The following EZH2 variants were observed in gnomAD, a reference collection of about 807,000 sequenced individuals.
EZH2 encodes the protein histone-lysine N-methyltransferase EZH2.
A neutral mutation model predicts 98.4 loss-of-function variants in EZH2; 18 were observed. The ratio of observed to expected loss-of-function variants is 0.18; its 90% CI spans 0.13 to 0.27. The LOEUF (loss-of-function observed/expected upper bound fraction) is 0.27. EZH2 is among the 10% of genes least tolerant of loss of function. EZH2 has a pLI of 1.00. For synonymous variants in EZH2, 338 were observed against 312.3 expected (o/e 1.08, Z -0.87); for missense variants, 470 against 935.1 (o/e 0.50, Z 6.49).
intron 15 of EZH2, among the ~76,000 whole-genome samples, chr7:148,812,700 G>A (rs1451222795): frequency 6.6e-6 from 1 of 152,156 alleles, no homozygotes; most frequent in Non-Finnish European, 1.5e-5. Context: ...ATGGTAAGTT[G>A]TTTGGGGGGG....
intron 3 of EZH2, among the ~76,000 whole-genome samples, chr7:148,839,574 T>C (rs1811898669): frequency 6.6e-6 from 1 of 152,000 alleles, no homozygotes; most frequent in African/African-American, 2.4e-5. Flanking sequence ...AACTATTTTT[T>C]TTTGTTTTTT....
At chr7:148,873,556 C>CTTTT (rs1819751149) in intron 1 of EZH2, among the ~76,000 whole-genome samples, 1 of 103,626 alleles carries the variant, frequency 9.7e-6, no homozygotes, top group Non-Finnish European at 1.9e-5. Flanking sequence ...TCATGCTCTT[C>CTTTT]ATTTTTTTTT....
intron 6 of EZH2, among the ~76,000 whole-genome samples, chr7:148,828,288 C>A (rs749064688): frequency 1.3e-5 from 2 of 152,018 alleles, no homozygotes; most frequent in African/African-American, 2.4e-5. Context: ...TCTTTGCTAG[C>A]CAAAGGAAAC....
intron 8 of EZH2, among the ~76,000 whole-genome samples, chr7:148,822,374 G>A (rs1806389649): frequency 6.6e-6 from 1 of 151,810 alleles, no homozygotes; most frequent in African/African-American, 2.4e-5. Context: ...GCTGGATGTG[G>A]TAGCACATGC....
chr7:148,846,041 G>A lies in EZH2; in HGVS notation c.246+429C>T, dbSNP rs184616493. 3.5e-3 allele frequency among the ~76,000 whole-genome samples: 531 copies of A among 152,270 alleles called. 4 individuals are homozygous for A. Among genetic ancestry groups the A allele is most frequent in the Non-Finnish European group, 5.3e-3 (359 of 68,012 alleles). On this transcript the variant is annotated intron_variant, in intron 3 of 19. Coordinates refer to ENST00000320356, the MANE Select transcript of EZH2 (RefSeq NM_004456.5). ...CAAGAAATTTAAAAATTCTTATAGA[G>A]AGGCTTAGCCTTTGAACAAAATATA... is the stretch of plus-strand genomic sequence containing the variant.
Position 148,843,583 on chromosome 7 carries a change from G to GTTTTT in EZH2, c.246+2882_246+2886dup, listed in dbSNP as rs1157236882. Among the ~76,000 whole-genome samples, 46 of 64,340 alleles carry GTTTTT rather than the reference G, an allele frequency of 7.1e-4. 4 individuals are homozygous for GTTTTT. The highest frequency in any genetic ancestry group is 2.7e-3 in the African/African-American group (38 of 14,192). 42.2% of individuals were successfully genotyped at this position (64,340 alleles called of 152,430 possible). A position where few individuals can be genotyped will look rare whatever the true frequency, so the allele number is the denominator to read the frequency against. ...TCTACAACTACAAATGGGAGTATAA[G>GTTTTT]TTTTTTTTTTTTTTTTTTTTTTTTT... On this transcript the variant is annotated intron_variant, in intron 3 of 19. Transcript: ENST00000320356.
At chr7:148,873,467 G>C (rs1412492122) in intron 1 of EZH2, among the ~76,000 whole-genome samples, 2 of 138,366 alleles carry the variant, frequency 1.4e-5, no homozygotes, top group African/African-American at 5.5e-5. Flanking sequence ...ACGCCAGCCT[G>C]GGTGACAGAG....
At chr7:148,865,550 C>T (rs1818318331) in intron 1 of EZH2, among the ~76,000 whole-genome samples, 1 of 152,104 alleles carries the variant, frequency 6.6e-6, no homozygotes, top group African/African-American at 2.4e-5. Flanking sequence ...ACAGGATTGC[C>T]CTTAAGTACA....
chr7:148,846,907 CTT>C (rs1222774492), intron 2 of EZH2, among the ~76,000 whole-genome samples: 13 of 144,954 alleles, frequency 9.0e-5, no homozygotes, highest in Non-Finnish European at 1.8e-4. Context: ...ATCACAATGA[CTT>C]TAGAAACATA....
chr7:148,816,813 A>T, intron 11 of EZH2, 35 bp from the exon 12 acceptor site: 1 of 1,507,626 alleles, frequency 6.6e-7, no homozygotes, highest in East Asian at 2.3e-5. Context: ...CCATGAGGAC[A>T]GTCTTATTTA....
In EZH2 at chr7:148,828,843, C is replaced by T; in HGVS notation, c.522G>A (p.Leu174=). The T allele has an allele frequency of 6.2e-7, 1 of 1,613,272 alleles. No homozygotes were observed. Among genetic ancestry groups the T allele is most frequent in the Non-Finnish European group, 8.5e-7 (1 of 1,179,750 alleles). ...GFINDEIFVE[L]VNALGQYNDD... is the part of the protein sequence containing the mutation. ...CATTATATTGACCAAGGGCATTCAC[C>T]AACTCCACAAAAATTTCATCATTTA... Residue 174 remains leucine (L), a synonymous_variant, in exon 6 of 20, where the codon TTG becomes TTA. Coordinates refer to ENST00000320356, the MANE Select transcript of EZH2 (RefSeq NM_004456.5).
intron 1 of EZH2, among the ~76,000 whole-genome samples, chr7:148,874,280 C>G (rs554196059): frequency 2.0e-5 from 3 of 152,228 alleles, no homozygotes; most frequent in African/African-American, 7.2e-5. Context: ...CCCAGCTACT[C>G]AGGAGACTGA....
intron 1 of EZH2, among the ~76,000 whole-genome samples, chr7:148,869,237 T>C (rs1196835942): frequency 6.6e-6 from 1 of 151,820 alleles, no homozygotes; most frequent in Non-Finnish European, 1.5e-5. Flanking sequence ...CCTGTGATGG[T>C]AATCAAACTC....
At chr7:148,823,648 C>G (rs535878313) in intron 8 of EZH2, among the ~76,000 whole-genome samples, 9 of 150,040 alleles carry the variant, frequency 6.0e-5, no homozygotes, top group Non-Finnish European at 1.2e-4. Context: ...TACACATTTT[C>G]ATACTTTTTT....
chr7:148,844,071 TA>T (rs146252736), intron 3 of EZH2, among the ~76,000 whole-genome samples: 3,641 of 152,294 alleles, frequency 0.024, 137 homozygotes, highest in African/African-American at 0.084. Context: ...CTATAGACTT[TA>T]CGTGTTTGAA....
Position 148,807,534 on chromosome 7 carries a change from T to G in EZH2, c.*112A>C. Reference sequence around the variant, plus strand: ...TACTATAAATTATTCTTACAGTACTTTGCAAATTCAGAATTTCAAACTGCA... The same window carrying G: ...TACTATAAATTATTCTTACAGTACTGTGCAAATTCAGAATTTCAAACTGCA... On this transcript the variant is annotated 3_prime_UTR_variant, in exon 20 of 20. Transcript: ENST00000320356. 2.3e-6 allele frequency: 2 copies of G among 872,704 alleles called. No homozygotes were observed. Among genetic ancestry groups the G allele is most frequent in the Non-Finnish European group, 3.7e-6 (2 of 537,730 alleles). 54.1% of individuals were successfully genotyped at this position (872,704 alleles called of 1,614,324 possible).
intron 1 of EZH2, among the ~76,000 whole-genome samples, chr7:148,853,338 G>A (rs1816196358): frequency 6.6e-6 from 1 of 152,180 alleles, no homozygotes; most frequent in Admixed American, 6.5e-5. Context: ...CTTGAACCTG[G>A]GAGGCAGAGG....
chr7:148,853,446 G>A (rs1490856488), intron 1 of EZH2, among the ~76,000 whole-genome samples: 1 of 152,040 alleles, frequency 6.6e-6, no homozygotes, highest in African/African-American at 2.4e-5. Flanking sequence ...TAAGGAGTGT[G>A]CAACCTAGAT....
At chr7:148,878,175 T>C (rs1585322119) in intron 1 of EZH2, among the ~76,000 whole-genome samples, 1 of 152,338 alleles carries the variant, frequency 6.6e-6, no homozygotes, top group East Asian at 1.9e-4. Flanking sequence ...GCATTAAATA[T>C]ATTCAAAATA....
Sources: gnomAD v4.1 joint callset for allele counts (sites outside exome capture counted in the v4.1 genomes callset) on GRCh38, gnomAD v4.1.1 for gene constraint, MANE v1.5 for transcripts, NCBI Gene and HGNC (gene_info 2026-07-23, HGNC 2026-07-21) for gene names.